NEK11: variants seen among roughly 807,000 people sequenced by gnomAD.
NEK11 encodes the protein NIMA related kinase 11.
A neutral mutation model predicts 80.7 loss-of-function variants in NEK11; 72 were observed. The ratio of observed to expected loss-of-function variants is 0.89; its 90% CI spans 0.74 to 1.08. NEK11 has a LOEUF of 1.08. Ranked by LOEUF, NEK11 falls within the 50% of genes least tolerant of loss-of-function variation. The probability of loss-of-function intolerance (pLI) is 0.00; values close to 1 mark genes in which losing one functional copy is unlikely to be tolerated. For synonymous variants in NEK11, 251 were observed against 260.7 expected (o/e 0.96, Z 0.36); for missense variants, 764 against 763.6 (o/e 1.00, Z -0.01).
chr3:131,316,160 C>CCTAT lies in NEK11; in HGVS notation c.1719-33394_1719-33391dup, dbSNP rs1373743254. Among the ~76,000 whole-genome samples, 3 of 152,184 alleles carry CCTAT rather than the reference C, an allele frequency of 2.0e-5. No homozygotes were observed. In the East Asian group the frequency reaches 5.8e-4, roughly 29 times the overall value. ...TCTGAAAAAGGAAAAAAACATTATG[C>CCTAT]CTATCTTATTTTCTACTTAAACAGA... On this transcript the variant is annotated intron_variant, in intron 17 of 17. Coordinates refer to ENST00000383366, the MANE Select transcript of NEK11 (RefSeq NM_024800.5).
At position 131,029,790 on chromosome 3, in the gene NEK11, A is replaced by G. The variant is rs772218235; in HGVS notation, c.82A>G (p.Arg28Gly). 2.5e-6 allele frequency: 4 copies of G among 1,614,228 alleles called. No individual in the cohort carries two copies. The highest frequency in any genetic ancestry group is 4.5e-5 in the East Asian group (2 of 44,892). The change falls in exon 3 of 18, where the codon AGA becomes GGA. Residue 28 changes from arginine to glycine, a missense_variant. Physicochemically the swap from Arg to Gly is moderately radical, Grantham distance 125 (BLOSUM62 -2). Coordinates refer to ENST00000383366, the MANE Select transcript of NEK11 (RefSeq NM_024800.5). ...STYPKTLIAR[R>G]YVLQQKLGSG... is the part of the protein sequence containing the mutation. The stretch of plus-strand genomic sequence containing the variant: ...TTATCCAAAGACCTTGATTGCAAGA[A>G]GATACGTGCTTCAACAAAAACTTGG...
intron 3 of NEK11, among the ~76,000 whole-genome samples, chr3:131,031,180 T>C (rs533992490): frequency 6.6e-6 from 1 of 152,364 alleles, no homozygotes; most frequent in South Asian, 2.1e-4. Context: ...TTTTAAATGG[T>C]CTCTGTCCAG....
At chr3:131,322,035 C>T (rs2096902402) in intron 17 of NEK11, among the ~76,000 whole-genome samples, 1 of 152,180 alleles carries the variant, frequency 6.6e-6, no homozygotes, top group Non-Finnish European at 1.5e-5. Context: ...AAGACACATG[C>T]ACATGTATGT....
At chr3:131,184,727 C>T (rs767601188) in intron 14 of NEK11, 21 of 1,243,544 alleles carry the variant, frequency 1.7e-5, no homozygotes, top group African/African-American at 6.3e-5. Context: ...TTTCACTAGA[C>T]GAATACTGGA....
chr3:131,131,603 A>G (rs557561059), intron 5 of NEK11, among the ~76,000 whole-genome samples: 34 of 152,184 alleles, frequency 2.2e-4, no homozygotes, highest in Non-Finnish European at 3.8e-4. Flanking sequence ...TTTGTCTTCT[A>G]TCTTTTTATT....
At chr3:131,122,548 C>G (rs1160202404) in intron 5 of NEK11, among the ~76,000 whole-genome samples, 1 of 152,240 alleles carries the variant, frequency 6.6e-6, no homozygotes, top group Admixed American at 6.5e-5. Flanking sequence ...AGACCAGTAA[C>G]AGGAGTTGCC....
intron 3 of NEK11, among the ~76,000 whole-genome samples, chr3:131,070,093 A>G (rs1355126948): frequency 6.6e-6 from 1 of 152,190 alleles, no homozygotes; most frequent in East Asian, 1.9e-4. Flanking sequence ...AGCTAACCAA[A>G]TTATCTGTGG....
At chr3:131,031,938 A>T (rs986175817) in intron 3 of NEK11, among the ~76,000 whole-genome samples, 1 of 151,434 alleles carries the variant, frequency 6.6e-6, no homozygotes, top group Non-Finnish European at 1.5e-5. Context: ...TGGCCTGGGT[A>T]GTGTTTCTTT....
At chr3:131,185,178 A>G (rs926469102) in intron 14 of NEK11, among the ~76,000 whole-genome samples, 1 of 152,180 alleles carries the variant, frequency 6.6e-6, no homozygotes, top group African/African-American at 2.4e-5. Flanking sequence ...CAGGCCTAGT[A>G]GGGCCATTAC....
At chr3:131,137,736 G>A (rs2085903020) in intron 7 of NEK11, among the ~76,000 whole-genome samples, 1 of 152,066 alleles carries the variant, frequency 6.6e-6, no homozygotes, top group Non-Finnish European at 1.5e-5. Context: ...ATTTTAAAAG[G>A]GTTAATAACA....
At chr3:131,135,850 G>A (rs1198293198) in intron 7 of NEK11, among the ~76,000 whole-genome samples, 1 of 151,872 alleles carries the variant, frequency 6.6e-6, no homozygotes, top group Non-Finnish European at 1.5e-5. Flanking sequence ...CTTTTGACAG[G>A]CAGCTATATC....
chr3:131,075,676 G>T (rs1363607730), intron 3 of NEK11, among the ~76,000 whole-genome samples: 1 of 152,178 alleles, frequency 6.6e-6, no homozygotes, highest in African/African-American at 2.4e-5. Flanking sequence ...GTCTAAGGTG[G>T]AAATGAAAAT....
intron 17 of NEK11, among the ~76,000 whole-genome samples, chr3:131,343,928 T>C (rs1158390348): frequency 1.3e-5 from 2 of 152,172 alleles, no homozygotes; most frequent in Non-Finnish European, 2.9e-5. Context: ...CTCTTCCTCA[T>C]TGTCTGGATA....
intron 17 of NEK11, among the ~76,000 whole-genome samples, chr3:131,305,029 G>C (rs755674395): frequency 1.3e-5 from 2 of 151,888 alleles, no homozygotes; most frequent in Non-Finnish European, 2.9e-5. Context: ...TGTGCTGGTG[G>C]CAGCAGGGGA....
At chr3:131,072,969 C>T (rs1401387981) in intron 3 of NEK11, among the ~76,000 whole-genome samples, 1 of 152,074 alleles carries the variant, frequency 6.6e-6, no homozygotes, top group Non-Finnish European at 1.5e-5. Context: ...GCTTGGCTAT[C>T]AACTCTTTGG....
intron 10 of NEK11, among the ~76,000 whole-genome samples, chr3:131,161,303 A>G (rs922647096): frequency 2.6e-5 from 4 of 152,190 alleles, no homozygotes; most frequent in Non-Finnish European, 5.9e-5. Flanking sequence ...AAAATAGAAT[A>G]CCATTTGACC....
chr3:131,081,575 G>A (rs145872430), intron 4 of NEK11, among the ~76,000 whole-genome samples: 5 of 152,270 alleles, frequency 3.3e-5, no homozygotes, highest in African/African-American at 4.8e-5. Context: ...GCTTGGGTCA[G>A]GTAGAGAATA....
At chr3:131,054,369 G>T (rs2068971777) in intron 3 of NEK11, 1 of 152,038 alleles carries the variant, frequency 6.6e-6, no homozygotes, top group South Asian at 2.1e-4. Context: ...TCATAAATCT[G>T]CAGGCCTGAG....
chr3:131,127,196 C>G (rs1483374210), intron 5 of NEK11, among the ~76,000 whole-genome samples: 2 of 151,912 alleles, frequency 1.3e-5, no homozygotes, highest in Admixed American at 6.6e-5. Context: ...AACTCCTGAC[C>G]TCAGGTGATC....
Sources: gnomAD v4.1 joint callset for allele counts (sites outside exome capture counted in the v4.1 genomes callset) on GRCh38, gnomAD v4.1.1 for gene constraint, MANE v1.5 for transcripts, NCBI Gene and HGNC (gene_info 2026-07-23, HGNC 2026-07-21) for gene names.